Variants in SIN3B observed in about 807,000 individuals in gnomAD.
SIN3B encodes the protein SIN3 transcription regulator family member B, also known as paired amphipathic helix protein Sin3b.
Under a neutral mutation model 120.2 loss-of-function variants are expected in SIN3B, and 19 were observed. That is an observed-to-expected ratio of 0.16 (90% CI 0.11 to 0.23). The LOEUF is 0.23. Among genes scored for constraint, SIN3B ranks in the 10% least tolerant of loss-of-function variants. The pLI is 1.00. For synonymous variants in SIN3B, 654 were observed against 653.2 expected (o/e 1.00, Z -0.02); for missense variants, 1,073 against 1,573.0 (o/e 0.68, Z 5.38).
intron 2 of SIN3B, 107 bp from the exon 3 acceptor site, chr19:16,831,387 G>A (rs1971276560): frequency 2.5e-6 from 3 of 1,180,486 alleles, no homozygotes; most frequent in Non-Finnish European, 3.6e-6. Context: ...TTCCTTTGTT[G>A]TCTGTTGAGA....
chr19:16,855,623 A>G, intron 8 of SIN3B: 1 of 152,330 alleles, frequency 6.6e-6, no homozygotes, highest in Non-Finnish European at 1.5e-5. Context: ...TGGGAGGCTG[A>G]GGCAGGAGAA....
At chr19:16,869,171 C>CCG (rs1971820926) in intron 12 of SIN3B, among the ~76,000 whole-genome samples, 1 of 152,144 alleles carries the variant, frequency 6.6e-6, no homozygotes, top group African/African-American at 2.4e-5. Context: ...CCTGTGAACC[C>CCG]CGCCCCACAT....
chr19:16,865,912 AAG>A (rs1568423094), intron 11 of SIN3B, among the ~76,000 whole-genome samples: 1 of 152,172 alleles, frequency 6.6e-6, no homozygotes, highest in Admixed American at 6.5e-5. Context: ...TAACTGCTTT[AAG>A]AGTCAGATGC....
chr19:16,868,704 TG>T (rs1199568837), intron 12 of SIN3B, among the ~76,000 whole-genome samples: 2 of 152,132 alleles, frequency 1.3e-5, no homozygotes, highest in African/African-American at 4.8e-5. Context: ...CTGAGCAGCC[TG>T]GGAAAGCCTG....
Position 16,841,786 on chromosome 19 carries a change from G to A in SIN3B, c.400G>A (p.Gly134Arg), listed in dbSNP as rs558495523. 1.2e-5 allele frequency: 20 copies of A among 1,613,964 alleles called. No individual in the cohort carries two copies. The highest frequency in any genetic ancestry group is 8.9e-5 in the East Asian group (4 of 44,878). ...TTGTCAGGAGAATTCGCACAACCAC[G>A]GGGACGGTGCAGAGGACTTCAAGCA... is the stretch of plus-strand genomic sequence containing the variant. ...LTSQENSHNHGDGAEDFKQQV... is the reference protein window; with the variant it reads ...LTSQENSHNHRDGAEDFKQQV... The change falls in exon 4 of 19, where the codon GGG becomes AGG. Residue 134 changes from glycine (G) to arginine (R), a missense_variant. By Grantham distance (125) the Gly-to-Arg change is moderately radical. This residue lies in a region of SIN3B where 395 missense variants were observed against 528.0 expected (regional missense o/e 0.75). Coordinates refer to ENST00000248054, the MANE Select transcript of SIN3B (RefSeq NM_001297595.2).
Position 16,846,893 on chromosome 19 carries a change from G to T in SIN3B, c.583-77G>T, listed in dbSNP as rs565988851. 12 of 1,488,940 alleles carry T rather than the reference G, an allele frequency of 8.1e-6. No homozygotes were observed. The African/African-American group carries it at 1.7e-4, about 21-fold the overall frequency. 92.2% of individuals were successfully genotyped at this position (1,488,940 alleles called of 1,614,324 possible). ...GAGTCATCCTGTCCCCTTCACGGAG[G>T]GCTGCCTGAGTGTCCCGGCCCAGGG... On this transcript the variant is annotated intron_variant, in intron 4 of 18. Coordinates refer to ENST00000248054, the MANE Select transcript of SIN3B (RefSeq NM_001297595.2).
At position 16,851,543 on chromosome 19, in the gene SIN3B, G is replaced by A. The variant is rs745719494; in HGVS notation, c.849+9G>A. On this transcript the variant is annotated intron_variant, in intron 6 of 18. Transcript: ENST00000248054. ...TGTCTGCACCCGCCAAGGTACCTGT[G>A]AGCCACATGCAGCCATGCCTGCACG... The A allele has an allele frequency of 6.3e-7, 1 of 1,588,676 alleles. No individual in the cohort carries two copies. Among genetic ancestry groups the A allele is most frequent in the Non-Finnish European group, 8.6e-7 (1 of 1,167,656 alleles).
chr19:16,861,413 G>T (rs1971686208), intron 8 of SIN3B, among the ~76,000 whole-genome samples: 1 of 152,136 alleles, frequency 6.6e-6, no homozygotes, highest in African/African-American at 2.4e-5. Context: ...GATCACTTGA[G>T]GCCAGGAGTT....
rs1430088266 is a variant in SIN3B at position 16,875,640 on chromosome 19, CTGTT to C, written c.2593-412_2593-409del. Among the ~76,000 whole-genome samples, 328 of 129,994 alleles carry C rather than the reference CTGTT, an allele frequency of 2.5e-3. 10 individuals carry two copies. The highest frequency in any genetic ancestry group is 9.2e-3 in the African/African-American group (303 of 32,938). 85.3% of individuals were successfully genotyped at this position (129,994 alleles called of 152,430 possible). A position where few individuals can be genotyped will look rare whatever the true frequency, so the allele number is the denominator to read the frequency against. On this transcript the variant is annotated intron_variant, in intron 14 of 18. Transcript: ENST00000248054. ...TGGTTTGGGTCTGGTCTGGTCTGGTCTGTTTGGTCTGGTCTGGTCTGGTCTGTTT... is the reference window on the plus strand; with the variant it reads ...TGGTTTGGGTCTGGTCTGGTCTGGTCTGGTCTGGTCTGGTCTGGTCTGTTT...
rs962881009 is a variant in SIN3B at position 16,880,320 on chromosome 19, T to C, written c.*1593T>C. On this transcript the variant is annotated 3_prime_UTR_variant, in exon 19 of 19. Transcript: ENST00000248054. ...ATGTAGTTTTCCTTTTCTATTTATTTGCACATTAAAGTTAATAATTGAATA... is the reference window on the plus strand; with the variant it reads ...ATGTAGTTTTCCTTTTCTATTTATTCGCACATTAAAGTTAATAATTGAATA... The C allele has an allele frequency of 3.3e-5, 5 of 152,366 alleles. No homozygotes were observed. The highest frequency in any genetic ancestry group is 3.3e-4 in the Admixed American group (5 of 15,304). 9.4% of individuals were successfully genotyped at this position (152,366 alleles called of 1,614,324 possible).
Position 16,862,671 on chromosome 19 carries a change from G to C in SIN3B, c.1266+112G>C, listed in dbSNP as rs1971705575. 6.6e-6 allele frequency: 8 copies of C among 1,215,508 alleles called. No individual in the cohort carries two copies. Among genetic ancestry groups the C allele is most frequent in the Non-Finnish European group, 9.5e-6 (8 of 839,392 alleles). The allele number at this position is 1,215,508 out of a possible 1,614,324, so 75.3% of individuals were successfully genotyped here. A position where few individuals can be genotyped will look rare whatever the true frequency, so the allele number is the denominator to read the frequency against. ...GAAATGCTGTGTGCTCAGCCCTCCTGAATGTTGGGTTATGGGTGGTGCTGG... is the reference window on the plus strand; with the variant it reads ...GAAATGCTGTGTGCTCAGCCCTCCTCAATGTTGGGTTATGGGTGGTGCTGG... On this transcript the variant is annotated intron_variant, in intron 9 of 18. Transcript: ENST00000248054. This position sits in a 1 kb window ranked among gnomAD's most constrained non-coding sequence, Gnocchi z 4.7.
At position 16,878,201 on chromosome 19, in the gene SIN3B, C is replaced by T. The variant is rs752983110; in HGVS notation, c.2973C>T (p.Arg991=). 73 of 1,579,042 alleles carry T rather than the reference C, an allele frequency of 4.6e-5. No individual in the cohort carries two copies. In the South Asian group the frequency reaches 6.9e-4, roughly 15 times the overall value. Residue 991 remains arginine, a synonymous_variant, in exon 18 of 19, where the codon CGC becomes CGT. Coordinates refer to ENST00000248054, the MANE Select transcript of SIN3B (RefSeq NM_001297595.2). Reference sequence around the variant, plus strand: ...CCCCCAGGAACCTCAAGAAGTTCCGCCGCCGGTGGCAGAGCGAGCAGGCGC... The same window carrying T: ...CCCCCAGGAACCTCAAGAAGTTCCGTCGCCGGTGGCAGAGCGAGCAGGCGC... ...VFLQRNLKKF[R]RRWQSEQARA...
intron 5 of SIN3B, among the ~76,000 whole-genome samples, chr19:16,848,265 C>T (rs971589450): frequency 6.6e-6 from 1 of 152,138 alleles, no homozygotes; most frequent in African/African-American, 2.4e-5. Context: ...TGGGTAGACA[C>T]CTAGGAGTGG....
rs541122549 is a variant in SIN3B at position 16,831,521 on chromosome 19, T to G, written c.255T>G (p.Arg85=). The G allele has an allele frequency of 6.2e-6, 10 of 1,614,158 alleles. No homozygotes were observed. Among genetic ancestry groups the G allele is most frequent in the South Asian group, 5.5e-5 (5 of 91,092 alleles). ...QSIDTPGVIR[R]VSQLFHEHPD... ...TCGATACTCCTGGAGTCATCAGACGTGTCTCGCAGCTCTTCCACGAGCACC... is the reference window on the plus strand; with the variant it reads ...TCGATACTCCTGGAGTCATCAGACGGGTCTCGCAGCTCTTCCACGAGCACC... Residue 85 remains arginine (R), a synonymous_variant, in exon 3 of 19, where the codon CGT becomes CGG. Transcript: ENST00000248054.
At chr19:16,870,096 G>A (rs75157030) in intron 13 of SIN3B, 21 bp downstream of exon 13, 20 of 1,551,574 alleles carry the variant, frequency 1.3e-5, no homozygotes, top group African/African-American at 2.7e-5. Context: ...AAAGCCTGCC[G>A]GGAGGCCCCG....
chr19:16,865,357 G>C lies in SIN3B; in HGVS notation c.1384-53G>C, dbSNP rs1971753120. ...TCTCTGAGGTCCCAGGCTCCTCTCT[G>C]AGGCCTCTTGAGTTCCCCAGTGGCT... On this transcript the variant is annotated intron_variant, in intron 10 of 18. Coordinates refer to ENST00000248054, the MANE Select transcript of SIN3B (RefSeq NM_001297595.2). The C allele has an allele frequency of 1.2e-5, 14 of 1,211,132 alleles. No individual in the cohort carries two copies. The Admixed American group carries it at 1.3e-4, about 12-fold the overall frequency. 75.0% of individuals were successfully genotyped at this position (1,211,132 alleles called of 1,614,324 possible). A position where few individuals can be genotyped will look rare whatever the true frequency, so the allele number is the denominator to read the frequency against.
Position 16,851,428 on chromosome 19 carries a change from C to A in SIN3B, c.743C>A (p.Pro248Gln). ...AKRSLFTGNG[P>Q]CEMHSVQKNE... is the part of the protein sequence containing the mutation. The stretch of plus-strand genomic sequence containing the variant: ...TGTCCTTAGTTCACAGGAAACGGGC[C>A]GTGCGAGATGCACAGCGTGCAGAAG... Residue 248 changes from proline to glutamine, a missense_variant, in exon 6 of 19, where the codon CCG (proline) becomes CAG (glutamine). Pro to Gln is a moderately conservative substitution (Grantham distance 76). Around this residue, in one of 7 missense-constraint regions of SIN3B, gnomAD observed 395 missense variants for 528.0 expected, o/e 0.75. Coordinates refer to ENST00000248054, the MANE Select transcript of SIN3B (RefSeq NM_001297595.2). 1 of 1,603,650 alleles carries A rather than the reference C, an allele frequency of 6.2e-7. No individual in the cohort carries two copies. The highest frequency in any genetic ancestry group is 1.7e-4 in the Middle Eastern group (1 of 6,034).
intron 1 of SIN3B, 42 bp from the exon 2 acceptor site, chr19:16,829,749 T>C: frequency 6.6e-7 from 1 of 1,513,404 alleles, no homozygotes. Flanking sequence ...CGTCCCCTCG[T>C]TCCGCGGCCA....
In SIN3B at chr19:16,876,700, C is replaced by T; in HGVS notation, c.2859+122C>T. 1.4e-6 allele frequency: 1 copy of T among 733,490 alleles called. No homozygotes were observed. The highest frequency in any genetic ancestry group is 2.3e-6 in the Non-Finnish European group (1 of 443,926). The allele number at this position is 733,490 out of a possible 1,614,324, so 45.4% of individuals were successfully genotyped here. On this transcript the variant is annotated intron_variant, in intron 16 of 18. Transcript: ENST00000248054. The surrounding 1 kb of genome is among the most constrained non-coding windows in gnomAD (Gnocchi z 7.1). ...CCAGAGACCCTCCCTCTGCAGGCCA[C>T]AGGCTCTCCTTGAGGCCTGGTGGGT...
Sources: gnomAD v4.1 joint callset for allele counts (sites outside exome capture counted in the v4.1 genomes callset) on GRCh38, gnomAD v4.1.1 for gene constraint, gnomAD v4.1.1 regional missense constraint, Gnocchi (gnomAD v3.1) non-coding constraint, MANE v1.5 for transcripts, NCBI Gene and HGNC (gene_info 2026-07-23, HGNC 2026-07-21) for gene names.